CSMD3: variants seen among roughly 807,000 people sequenced by gnomAD.
CSMD3 encodes the protein CUB and Sushi multiple domains 3.
A neutral mutation model predicts 435.2 loss-of-function variants in CSMD3; 177 were observed. That is an observed-to-expected ratio of 0.41 (90% CI 0.36 to 0.46). The LOEUF (loss-of-function observed/expected upper bound fraction) is 0.46. CSMD3 is among the 20% of genes least tolerant of loss of function. The pLI, the probability that CSMD3 is intolerant of heterozygous loss-of-function variation, is 0.34. For synonymous variants in CSMD3, 1,656 were observed against 1,520.5 expected (o/e 1.09, Z -2.07); for missense variants, 4,265 against 4,504.6 (o/e 0.95, Z 1.52).
At chr8:113,299,810 C>A (rs993862360) in intron 2 of CSMD3, among the ~76,000 whole-genome samples, 22 of 152,150 alleles carry the variant, frequency 1.4e-4, no homozygotes, top group African/African-American at 5.1e-4. Flanking sequence ...GCTTGGCCAA[C>A]CTGGTGAAAC....
intron 10 of CSMD3, among the ~76,000 whole-genome samples, chr8:112,877,774 A>G (rs574986425): frequency 6.6e-6 from 1 of 152,216 alleles, no homozygotes; most frequent in African/African-American, 2.4e-5. Context: ...CACATCTACA[A>G]CCATCTGATC....
chr8:112,974,194 C>T (rs188254056), intron 7 of CSMD3, among the ~76,000 whole-genome samples: 58 of 151,946 alleles, frequency 3.8e-4, no homozygotes, highest in Admixed American at 1.1e-3. Context: ...TTATATGGAA[C>T]CACCTTAAAA....
chr8:112,577,508 A>G (rs924235640), intron 23 of CSMD3, among the ~76,000 whole-genome samples: 1 of 152,062 alleles, frequency 6.6e-6, no homozygotes, highest in African/African-American at 2.4e-5. Context: ...TTTAAGCATA[A>G]TATCCCCTTT....
rs58086173 is a variant in CSMD3 at position 113,134,196 on chromosome 8, T to C, written c.710-35233A>G. Among the ~76,000 whole-genome samples the C allele has an allele frequency of 3.9e-3, 590 of 152,208 alleles. 3 individuals carry two copies. The highest frequency in any genetic ancestry group is 0.012 in the African/African-American group (505 of 41,558). Reference sequence around the variant, plus strand: ...AATACTTTTCTTGCTCTGGGTTAAATTGTAAAATAGGCAAAGTCTTTCCAG... The same window carrying C: ...AATACTTTTCTTGCTCTGGGTTAAACTGTAAAATAGGCAAAGTCTTTCCAG... On this transcript the variant is annotated intron_variant, in intron 4 of 70. Coordinates refer to ENST00000297405, the MANE Select transcript of CSMD3 (RefSeq NM_198123.2).
chr8:112,577,142 G>A (rs1194745480), intron 23 of CSMD3, among the ~76,000 whole-genome samples: 1 of 151,926 alleles, frequency 6.6e-6, no homozygotes, highest in Admixed American at 6.6e-5. Flanking sequence ...AACATGAAAG[G>A]CAAGTATTAA....
In CSMD3 at chr8:112,736,000, T is replaced by C. The variant is rs545008565; in HGVS notation, c.1973-45950A>G. Reference sequence around the variant, plus strand: ...ACAGAAATCATATTTCAATTTTCAGTTTTATATAGAGAGAGCTGTGTCCAA... The same window carrying C: ...ACAGAAATCATATTTCAATTTTCAGCTTTATATAGAGAGAGCTGTGTCCAA... On this transcript the variant is annotated intron_variant, in intron 13 of 70. Transcript: ENST00000297405. Among the ~76,000 whole-genome samples the C allele has an allele frequency of 3.3e-5, 5 of 152,096 alleles. 1 individual carries two copies. The South Asian group carries it at 8.3e-4, about 25-fold the overall frequency.
chr8:112,515,647 G>A (rs1040328223), intron 28 of CSMD3, among the ~76,000 whole-genome samples: 2 of 151,974 alleles, frequency 1.3e-5, no homozygotes, highest in Non-Finnish European at 2.9e-5. Context: ...AGCTAAATCT[G>A]AACTGTTCAA....
chr8:112,320,755 G>A (rs1822921650), intron 45 of CSMD3, among the ~76,000 whole-genome samples: 2 of 151,196 alleles, frequency 1.3e-5, no homozygotes, highest in Admixed American at 6.6e-5. Flanking sequence ...CTTTAAAAAA[G>A]AAAACTGTTA....
chr8:112,861,492 A>G (rs1422234564), intron 10 of CSMD3, among the ~76,000 whole-genome samples: 2 of 151,838 alleles, frequency 1.3e-5, no homozygotes, highest in East Asian at 3.8e-4. Context: ...ATAATTTTCT[A>G]TATTTTTCAT....
chr8:112,837,565 A>G (rs933962512), intron 11 of CSMD3, among the ~76,000 whole-genome samples: 1 of 151,820 alleles, frequency 6.6e-6, no homozygotes, highest in African/African-American at 2.4e-5. Flanking sequence ...GGATTATAAA[A>G]TAACACATAG....
At chr8:112,524,988 A>C (rs867607192) in intron 27 of CSMD3, among the ~76,000 whole-genome samples, 23 of 151,794 alleles carry the variant, frequency 1.5e-4, no homozygotes, top group Middle Eastern at 3.2e-3. Flanking sequence ...GTATTGCCAG[A>C]AACATTTTTA....
intron 27 of CSMD3, among the ~76,000 whole-genome samples, chr8:112,522,209 C>A (rs1047678246): frequency 6.6e-5 from 10 of 151,708 alleles, no homozygotes; most frequent in Admixed American, 6.6e-4. Flanking sequence ...ATTCTCATTA[C>A]CCCGAATGTG....
intron 12 of CSMD3, among the ~76,000 whole-genome samples, chr8:112,812,162 T>C (rs910014346): frequency 2.0e-5 from 3 of 152,102 alleles, no homozygotes; most frequent in Non-Finnish European, 4.4e-5. Flanking sequence ...TCCCAATAGA[T>C]AGAAACACCT....
At chr8:112,537,429 C>T (rs1282392974) in intron 27 of CSMD3, among the ~76,000 whole-genome samples, 5 of 151,466 alleles carry the variant, frequency 3.3e-5, no homozygotes, top group Non-Finnish European at 7.4e-5. Flanking sequence ...AAAAAAGATA[C>T]AAAGGATAAA....
At chr8:112,938,297 C>A (rs2083346723) in intron 9 of CSMD3, among the ~76,000 whole-genome samples, 1 of 152,196 alleles carries the variant, frequency 6.6e-6, no homozygotes, top group Non-Finnish European at 1.5e-5. Context: ...ATGAAACCTG[C>A]AACTTTCTCT....
intron 38 of CSMD3, among the ~76,000 whole-genome samples, chr8:112,357,411 G>C (rs1172075845): frequency 6.6e-6 from 1 of 152,170 alleles, no homozygotes. Flanking sequence ...TTTGAAAAAT[G>C]TGCAGTCTGA....
Position 112,288,671 on chromosome 8 carries a change from G to A in CSMD3, c.9148+694C>T, listed in dbSNP as rs150767252. Among the ~76,000 whole-genome samples the A allele has an allele frequency of 4.2e-3, 638 of 151,938 alleles. 1 individual carries two copies. The highest frequency in any genetic ancestry group is 0.027 in the Middle Eastern group (8 of 292). The stretch of plus-strand genomic sequence containing the variant: ...GTAAAAATAAATAGTATCAACTAGG[G>A]AGCCATCATAGATCTAAAACGTAAA... On this transcript the variant is annotated intron_variant, in intron 57 of 70. Transcript: ENST00000297405.
chr8:112,364,620 G>A (rs1032562340), intron 38 of CSMD3, among the ~76,000 whole-genome samples: 11 of 151,978 alleles, frequency 7.2e-5, no homozygotes, highest in African/African-American at 2.7e-4. Flanking sequence ...ATTACAATCA[G>A]GCAAAGAGTC....
intron 35 of CSMD3, among the ~76,000 whole-genome samples, chr8:112,393,084 G>A (rs887210821): frequency 2.0e-5 from 3 of 151,814 alleles, no homozygotes; most frequent in Non-Finnish European, 2.9e-5. Flanking sequence ...GTAGAGACAG[G>A]ATCTGTGTTG....
Sources: allele counts gnomAD v4.1 joint callset (sites outside exome capture counted in the v4.1 genomes callset), GRCh38; gene constraint gnomAD v4.1.1; transcripts MANE v1.5; gene names NCBI Gene and HGNC (gene_info 2026-07-23, HGNC 2026-07-21).